CCDC186: variants seen among roughly 807,000 people sequenced by gnomAD.
The protein encoded by CCDC186 is coiled-coil domain containing 186.
Under a neutral mutation model 113.7 loss-of-function variants are expected in CCDC186, and 49 were observed. That is an observed-to-expected ratio of 0.43 (90% CI 0.34 to 0.55). The LOEUF (loss-of-function observed/expected upper bound fraction) is 0.55. Among genes scored for constraint, CCDC186 ranks in the 20% least tolerant of loss-of-function variants. CCDC186 has a pLI of 0.02. For missense variants in CCDC186, 890 were observed against 1,011.1 expected (o/e 0.88, Z 1.62); for synonymous variants, 355 against 345.8 (o/e 1.03, Z -0.30).
At chr10:114,168,232 C>G (rs2032391869) in intron 1 of CCDC186, 1 of 152,172 alleles carries the variant, frequency 6.6e-6, no homozygotes, top group African/African-American at 2.4e-5. Flanking sequence ...TGGTTTCGCT[C>G]TTACTGGAGC....
intron 2 of CCDC186, 171 bp downstream of exon 2, chr10:114,162,466 C>A: frequency 1.9e-6 from 1 of 521,352 alleles, no homozygotes; most frequent in South Asian, 3.6e-5. Flanking sequence ...CTGAAAAACT[C>A]GACATTTGCT....
intron 1 of CCDC186, among the ~76,000 whole-genome samples, chr10:114,173,642 G>A (rs972436416): frequency 2.0e-5 from 3 of 152,216 alleles, no homozygotes; most frequent in African/African-American, 4.8e-5. Context: ...ATAGGCGATT[G>A]AGTCTAGGAA....
rs2031639766 is a variant in CCDC186 at position 114,146,321 on chromosome 10, G to A, written c.889-560C>T. ...CTGAAATTCTGCATCTTCCCTTTTT[G>A]GGATCCCTACATCTTGTCCACACCT... On this transcript the variant is annotated intron_variant, in intron 4 of 15. Coordinates refer to ENST00000369287, the MANE Select transcript of CCDC186 (RefSeq NM_018017.4). Among the ~76,000 whole-genome samples the A allele has an allele frequency of 5.9e-5, 9 of 152,168 alleles. No individual in the cohort carries two copies. In the South Asian group the frequency reaches 1.9e-3, roughly 32 times the overall value.
Position 114,144,600 on chromosome 10 carries a change from C to T in CCDC186, c.1118G>A (p.Arg373Lys). 1 of 1,610,244 alleles carries T rather than the reference C, an allele frequency of 6.2e-7. No homozygotes were observed. Among genetic ancestry groups the T allele is most frequent in the East Asian group, 2.2e-5 (1 of 44,764 alleles). ...TAATTTGTCTATTTCTCTGATGAGT[C>T]TAGTCGTTTCGCCTTCCTAAAATAA... The part of the protein sequence containing the change: ...LYETKEGETT[R>K]LIREIDKLKE... The change falls in exon 6 of 16, where the codon AGA becomes AAA. Residue 373 changes from arginine (R) to lysine (K), a missense_variant. Arg to Lys is a conservative substitution (Grantham distance 26). Transcript: ENST00000369287.
chr10:114,136,032 G>T, intron 8 of CCDC186, 55 bp from the exon 9 acceptor site: 1 of 1,539,770 alleles, frequency 6.5e-7, no homozygotes, highest in Non-Finnish European at 9.0e-7. Flanking sequence ...CTATATCTAA[G>T]ATTTATTGCC....
intron 1 of CCDC186, among the ~76,000 whole-genome samples, chr10:114,165,216 A>G (rs976143647): frequency 1.3e-5 from 2 of 152,242 alleles, no homozygotes; most frequent in South Asian, 2.1e-4. Flanking sequence ...TTTGCTGCAG[A>G]TATTTTATAA....
chr10:114,138,526 C>G (rs2031356954), intron 6 of CCDC186, among the ~76,000 whole-genome samples: 2 of 151,868 alleles, frequency 1.3e-5, no homozygotes, highest in Non-Finnish European at 2.9e-5. Flanking sequence ...CTCAGGTGAT[C>G]CACCTGTCTC....
In CCDC186 at chr10:114,174,196, A is replaced by G. The variant is rs1194393394; in HGVS notation, c.-243T>C. On this transcript the variant is annotated 5_prime_UTR_variant, in exon 1 of 16. Transcript: ENST00000369287. ...AAACCCCTGCGGAGCTGACACATCA[A>G]CAAAGATGGCGGCGACACTGAAGCC... 6.9e-6 allele frequency: 3 copies of G among 437,546 alleles called. No individual in the cohort carries two copies. The highest frequency in any genetic ancestry group is 1.4e-5 in the Non-Finnish European group (3 of 209,142). The allele number at this position is 437,546 out of a possible 1,614,324, so 27.1% of individuals were successfully genotyped here.
rs376011650 is a variant in CCDC186 at position 114,151,175 on chromosome 10, T to C, written c.805A>G (p.Arg269Gly). 12 of 1,606,062 alleles carry C rather than the reference T, an allele frequency of 7.5e-6. No homozygotes were observed. In the African/African-American group the frequency reaches 1.2e-4, roughly 16 times the overall value. The change falls in exon 4 of 16, where the codon AGA becomes GGA. Residue 269 changes from arginine (R) to glycine (G), a missense_variant. Physicochemically the swap from Arg to Gly is moderately radical, Grantham distance 125. Transcript: ENST00000369287. The part of the protein sequence containing the change: ...EELNKEVKAS[R>G]DQLIAQDVTA... ...ACGTCTTGAGCTATTAGTTGATCTC[T>C]GGAAGCTTTAACTTCTTTATTAAGT...
Position 114,131,803 on chromosome 10 carries a change from T to C in CCDC186, c.1911+126A>G, listed in dbSNP as rs1271758986. Reference sequence around the variant, plus strand: ...GAAAAACTGACATTTCTTACAGCAGTTGAAATTGTCAGAAAGTCAGTGTCC... The same window carrying C: ...GAAAAACTGACATTTCTTACAGCAGCTGAAATTGTCAGAAAGTCAGTGTCC... On this transcript the variant is annotated intron_variant, in intron 11 of 15. Coordinates refer to ENST00000369287, the MANE Select transcript of CCDC186 (RefSeq NM_018017.4). 1.4e-5 allele frequency: 10 copies of C among 727,716 alleles called. No individual in the cohort carries two copies. The South Asian group carries it at 2.4e-4, about 17-fold the overall frequency. 45.1% of individuals were successfully genotyped at this position (727,716 alleles called of 1,614,324 possible).
In CCDC186 at chr10:114,126,003, T is replaced by A. The variant is rs772956203; in HGVS notation, c.2496A>T (p.Ala832=). The change falls in exon 15 of 16, where the codon GCA becomes GCT. Residue 832 remains alanine (A), a synonymous_variant. Transcript: ENST00000369287. ...VHLSRRGGIM[A]SLYTSHPADN... is the part of the protein sequence containing the mutation. ...CAGCTGGATGGGATGTATATAAAGA[T>A]GCCATGATGCCACCCCGTCTACTTA... 3.7e-6 allele frequency: 6 copies of A among 1,613,962 alleles called. No homozygotes were observed. The Admixed American group carries it at 5.0e-5, about 13-fold the overall frequency.
chr10:114,129,875 G>C lies in CCDC186; in HGVS notation c.2182+16C>G. On this transcript the variant is annotated intron_variant, in intron 13 of 15. Transcript: ENST00000369287. ...TATCAATCATGAAATAACAACTAGA[G>C]CCACTAGTTTTTTACCTGATGAACT... 2 of 1,609,278 alleles carry C rather than the reference G, an allele frequency of 1.2e-6. No individual in the cohort carries two copies. The highest frequency in any genetic ancestry group is 1.7e-6 in the Non-Finnish European group (2 of 1,176,132).
intron 14 of CCDC186, among the ~76,000 whole-genome samples, chr10:114,126,746 A>G (rs577572079): frequency 1.3e-5 from 2 of 152,330 alleles, no homozygotes; most frequent in East Asian, 3.9e-4. Flanking sequence ...TCTTTCTTTT[A>G]AAAGTCACAG....
intron 7 of CCDC186, among the ~76,000 whole-genome samples, chr10:114,136,918 ACCAGCC>A: frequency 6.6e-6 from 1 of 152,072 alleles, no homozygotes; most frequent in Admixed American, 6.5e-5. Flanking sequence ...GGAGTTCGAG[ACCAGCC>A]CAGCCAACAT....
chr10:114,134,818 A>G (rs1052480083), intron 10 of CCDC186, 95 bp downstream of exon 10: 8 of 1,403,856 alleles, frequency 5.7e-6, no homozygotes, highest in Non-Finnish European at 6.7e-6. Context: ...AAATTGTAAA[A>G]TTTTTTGTTT....
At chr10:114,169,223 G>C (rs1186115069) in intron 1 of CCDC186, among the ~76,000 whole-genome samples, 1 of 142,264 alleles carries the variant, frequency 7.0e-6, no homozygotes, top group East Asian at 2.1e-4. Context: ...ATTATAAACT[G>C]TAGTACCATT....
intron 7 of CCDC186, 70 bp downstream of exon 7, chr10:114,137,115 TA>T (rs1242843017): frequency 7.4e-6 from 9 of 1,221,656 alleles, no homozygotes; most frequent in East Asian, 2.4e-5. Context: ...AGACTCCATC[TA>T]AAAAAAGAAA....
Position 114,135,060 on chromosome 10 carries a change from C to A in CCDC186, c.1513-5G>T. Reference sequence around the variant, plus strand: ...TTCATCTTCTAGACATTTCACCTATCAAATGATCACAACCAAGTTACAAAC... The same window carrying A: ...TTCATCTTCTAGACATTTCACCTATAAAATGATCACAACCAAGTTACAAAC... On this transcript the variant is annotated splice_region_variant and splice_polypyrimidine_tract_variant and intron_variant, in intron 9 of 15. Coordinates refer to ENST00000369287, the MANE Select transcript of CCDC186 (RefSeq NM_018017.4). 6.2e-7 allele frequency: 1 copy of A among 1,600,820 alleles called. No individual in the cohort carries two copies. Among genetic ancestry groups the A allele is most frequent in the South Asian group, 1.1e-5 (1 of 88,294 alleles).
At chr10:114,159,287 A>G (rs1172330679) in intron 2 of CCDC186, among the ~76,000 whole-genome samples, 1 of 152,254 alleles carries the variant, frequency 6.6e-6, no homozygotes, top group Non-Finnish European at 1.5e-5. Flanking sequence ...ACAAGTGAAC[A>G]ACAAAGGGAG....
Sources: allele counts gnomAD v4.1 joint callset (sites outside exome capture counted in the v4.1 genomes callset), GRCh38; gene constraint gnomAD v4.1.1; transcripts MANE v1.5; gene names NCBI Gene and HGNC (gene_info 2026-07-23, HGNC 2026-07-21).